Variants in NEXMIF observed in about 807,000 individuals in gnomAD.
The protein encoded by NEXMIF is neurite extension and migration factor.
A neutral mutation model predicts 62.1 loss-of-function variants in NEXMIF; 8 were observed. The observed-to-expected ratio is 0.13, with a 90% CI of 0.08 to 0.23. The LOEUF is 0.23. Ranked by LOEUF, NEXMIF falls within the 10% of genes least tolerant of loss-of-function variation. The pLI, the probability that NEXMIF is intolerant of heterozygous loss-of-function variation, is 1.00. For missense variants in NEXMIF, 976 were observed against 1,113.3 expected, an observed-to-expected ratio of 0.88 and a Z score of 1.75; for synonymous variants, 404 against 416.6, an observed-to-expected ratio of 0.97 and a Z score of 0.37.
chrX:74,768,890 A>G (rs1342498411), intron 1 of NEXMIF, among the ~76,000 whole-genome samples: 1 of 112,039 alleles, frequency 8.9e-6, no homozygotes, highest in Non-Finnish European at 1.9e-5. Flanking sequence ...TGAGAAAAAG[A>G]AAAACAGAAC....
chrX:74,810,432 A>C (rs2080356861), intron 1 of NEXMIF, among the ~76,000 whole-genome samples: 1 of 111,129 alleles, frequency 9.0e-6, no homozygotes, highest in Non-Finnish European at 1.9e-5. Context: ...AAAAAGTAAA[A>C]GTCAAAGTTA....
At chrX:74,914,806 A>G (rs1175423105) in intron 1 of NEXMIF, among the ~76,000 whole-genome samples, 1 of 112,345 alleles carries the variant, frequency 8.9e-6, no homozygotes, top group African/African-American at 3.2e-5. Context: ...CTACAGGTGA[A>G]TGATTAAATA....
chrX:74,789,463 G>A (rs1287323489), intron 1 of NEXMIF, among the ~76,000 whole-genome samples: 2 of 110,302 alleles, frequency 1.8e-5, no homozygotes, highest in Non-Finnish European at 3.8e-5. Flanking sequence ...ATAGCAGCAT[G>A]ATTTATAGTC....
At chrX:74,817,238 C>T (rs893786101) in intron 1 of NEXMIF, among the ~76,000 whole-genome samples, 1 of 111,526 alleles carries the variant, frequency 9.0e-6, no homozygotes, top group African/African-American at 3.3e-5. Flanking sequence ...TGGTCTTTAG[C>T]TACTTCAAAG....
intron 1 of NEXMIF, among the ~76,000 whole-genome samples, chrX:74,772,892 G>A (rs943958820): frequency 4.5e-5 from 5 of 111,184 alleles, no homozygotes; most frequent in Admixed American, 1.9e-4. Flanking sequence ...ATAACTGGGG[G>A]GTGGGGGAAA....
At chrX:74,754,286 TTC>T (rs1464176308) in intron 1 of NEXMIF, among the ~76,000 whole-genome samples, 6 of 107,853 alleles carry the variant, frequency 5.6e-5, no homozygotes, top group East Asian at 2.9e-4. Context: ...TTTCTTTTCT[TTC>T]TCTTTTTTTA....
intron 1 of NEXMIF, among the ~76,000 whole-genome samples, chrX:74,754,896 C>G (rs1408549752): frequency 9.0e-6 from 1 of 111,619 alleles, no homozygotes; most frequent in Non-Finnish European, 1.9e-5. Flanking sequence ...AAAAGTGATA[C>G]TACTGTCCTG....
At chrX:74,821,265 T>A (rs1362589781) in intron 1 of NEXMIF, among the ~76,000 whole-genome samples, 1 of 111,047 alleles carries the variant, frequency 9.0e-6, no homozygotes, top group Non-Finnish European at 1.9e-5. Context: ...TAACTACCCA[T>A]GACATAAAAG....
At chrX:74,790,291 T>C (rs1311405695) in intron 1 of NEXMIF, among the ~76,000 whole-genome samples, 3 of 110,991 alleles carry the variant, frequency 2.7e-5, no homozygotes, top group East Asian at 2.8e-4. Context: ...GTTGTAGATA[T>C]GCGGCGTTAT....
intron 1 of NEXMIF, among the ~76,000 whole-genome samples, chrX:74,920,728 T>C (rs769306864): frequency 8.9e-6 from 1 of 112,115 alleles, no homozygotes; most frequent in South Asian, 3.7e-4. Flanking sequence ...TGGTAATGCC[T>C]AGGTTTTCTT....
rs796451251 is a variant in NEXMIF, at chrX:74,745,775, G to T, written c.-47-78C>A. Reference sequence around the variant, plus strand: ...TTTATAGGTTATTTCAGCTAGAGGGGTCTTAAAAGGCTCACTGGGATTTAC... The same window carrying T: ...TTTATAGGTTATTTCAGCTAGAGGGTTCTTAAAAGGCTCACTGGGATTTAC... On this transcript the variant is annotated intron_variant, in intron 1 of 3. Coordinates refer to ENST00000055682, the MANE Select transcript of NEXMIF (RefSeq NM_001008537.3). 3.3e-5 allele frequency: 16 copies of T among 480,147 alleles called. No homozygotes were observed. In the South Asian group the frequency reaches 4.8e-4, roughly 14 times the overall value. 39.6% of individuals were successfully genotyped at this position (480,147 alleles called of 1,213,427 possible). A position where few individuals can be genotyped will look rare whatever the true frequency, so the allele number is the denominator to read the frequency against.
At chrX:74,836,137 C>A (rs976493507) in intron 1 of NEXMIF, among the ~76,000 whole-genome samples, 2 of 112,363 alleles carry the variant, frequency 1.8e-5, no homozygotes, top group African/African-American at 6.5e-5. Context: ...AAGCCTAAGG[C>A]CTCTTCAGTT....
chrX:74,900,985 G>A (rs2080747885), intron 1 of NEXMIF, among the ~76,000 whole-genome samples: 1 of 111,605 alleles, frequency 9.0e-6, no homozygotes, highest in South Asian at 3.8e-4. Flanking sequence ...AATGCTGGCT[G>A]CCAGGGGCTG....
rs771310640 is a variant in NEXMIF, at chrX:74,853,002, T to C, written c.-48+71881A>G. Among the ~76,000 whole-genome samples, 382 of 110,266 alleles carry C rather than the reference T, an allele frequency of 3.5e-3. 2 individuals carry two copies. Among genetic ancestry groups the C allele is most frequent in the African/African-American group, 0.012 (364 of 29,971 alleles). ...AAAAATTTACAAAGCATCAACAAAA[T>C]GAAAAGTTTTTTTTCAAAAAAAGAT... On this transcript the variant is annotated intron_variant, in intron 1 of 3. Coordinates refer to ENST00000055682, the MANE Select transcript of NEXMIF (RefSeq NM_001008537.3).
At chrX:74,825,157 A>AT (rs1169931867) in intron 1 of NEXMIF, among the ~76,000 whole-genome samples, 5 of 111,458 alleles carry the variant, frequency 4.5e-5, no homozygotes, top group Non-Finnish European at 9.4e-5. Context: ...AATATTGAGC[A>AT]TTTTTTCATA....
rs2080075908 is a variant in NEXMIF at position 74,732,886 on chromosome X, A to G, written c.*6519T>C. 8.9e-6 allele frequency: 1 copy of G among 111,894 alleles called. No homozygotes were observed. The highest frequency in any genetic ancestry group is 3.2e-5 in the African/African-American group (1 of 30,814). The allele number at this position is 111,894 out of a possible 1,213,427, so 9.2% of individuals were successfully genotyped here. On this transcript the variant is annotated 3_prime_UTR_variant, in exon 4 of 4. Transcript: ENST00000055682. ...GGCAAATCAGCATTTATTACTTTCA[A>G]TAAACAGCTTTAACACTTTGAGAGG...
intron 1 of NEXMIF, among the ~76,000 whole-genome samples, chrX:74,912,553 G>A (rs929245464): frequency 9.0e-6 from 1 of 111,236 alleles, no homozygotes. Context: ...TTAACCAGAT[G>A]AGTTCTCTGT....
At position 74,797,419 on chromosome X, in the gene NEXMIF, G is replaced by T. The variant is rs1408280951; in HGVS notation, c.-47-51722C>A. The stretch of plus-strand genomic sequence containing the variant: ...TAACATTAGGGGAAACTGGGCAAAC[G>T]GTATATTGGAACTCTTTGTACTAGC... On this transcript the variant is annotated intron_variant, in intron 1 of 3. Coordinates refer to ENST00000055682, the MANE Select transcript of NEXMIF (RefSeq NM_001008537.3). Among the ~76,000 whole-genome samples, 3 of 111,567 alleles carry T rather than the reference G, an allele frequency of 2.7e-5. No homozygotes were observed. In the Admixed American group the frequency reaches 2.9e-4, roughly 11 times the overall value.
At chrX:74,863,527 C>CA (rs768548912) in intron 1 of NEXMIF, among the ~76,000 whole-genome samples, 2 of 111,528 alleles carry the variant, frequency 1.8e-5, no homozygotes, top group African/African-American at 6.5e-5. Flanking sequence ...AAAATCTAGA[C>CA]AAAATGGATA....
Sources: gnomAD v4.1 joint callset for allele counts (sites outside exome capture counted in the v4.1 genomes callset) on GRCh38, gnomAD v4.1.1 for gene constraint, MANE v1.5 for transcripts, NCBI Gene and HGNC (gene_info 2026-07-23, HGNC 2026-07-21) for gene names.